JAKMIP2: variants seen among roughly 807,000 people sequenced by gnomAD.
JAKMIP2 encodes janus kinase and microtubule-interacting protein 2.
A neutral mutation model predicts 115.0 loss-of-function variants in JAKMIP2; 25 were observed. The ratio of observed to expected loss-of-function variants is 0.22; its 90% CI spans 0.16 to 0.30. The LOEUF is 0.30. Among genes scored for constraint, JAKMIP2 ranks in the 10% least tolerant of loss-of-function variants. The probability of loss-of-function intolerance (pLI) is 1.00; values close to 1 mark genes in which losing one functional copy is unlikely to be tolerated. For synonymous variants in JAKMIP2, 334 were observed against 343.6 expected (o/e 0.97, Z 0.31); for missense variants, 642 against 957.6 (o/e 0.67, Z 4.35).
intron 16 of JAKMIP2, among the ~76,000 whole-genome samples, chr5:147,624,146 C>CAT (rs1451491083): frequency 5.9e-5 from 9 of 152,098 alleles, no homozygotes; most frequent in African/African-American, 2.2e-4. Flanking sequence ...ATTTTTATCT[C>CAT]ATAGTTCAGA....
chr5:147,698,698 T>A (rs1752204564), intron 1 of JAKMIP2, among the ~76,000 whole-genome samples: 1 of 152,186 alleles, frequency 6.6e-6, no homozygotes, highest in Non-Finnish European at 1.5e-5. Flanking sequence ...GAAGGACGTG[T>A]TTGCTTCCCC....
chr5:147,754,754 T>G (rs1336294792), intron 1 of JAKMIP2, among the ~76,000 whole-genome samples: 2 of 152,178 alleles, frequency 1.3e-5, no homozygotes, highest in African/African-American at 2.4e-5. Flanking sequence ...GGTGAAGTAA[T>G]TTATCCAGGG....
At chr5:147,648,044 C>T (rs1758210756) in intron 5 of JAKMIP2, among the ~76,000 whole-genome samples, 1 of 151,802 alleles carries the variant, frequency 6.6e-6, no homozygotes, top group South Asian at 2.1e-4. Context: ...AGAAGTCAGA[C>T]AAAAAAGAGA....
At chr5:147,772,587 G>A (rs1755401932) in intron 1 of JAKMIP2, among the ~76,000 whole-genome samples, 2 of 150,646 alleles carry the variant, frequency 1.3e-5, no homozygotes, top group African/African-American at 2.4e-5. Context: ...AATATCTCCT[G>A]AAATGTCAAA....
intron 1 of JAKMIP2, among the ~76,000 whole-genome samples, chr5:147,693,784 G>A (rs772478911): frequency 4.6e-5 from 7 of 151,982 alleles, no homozygotes; most frequent in Non-Finnish European, 8.8e-5. Flanking sequence ...AATTTCAAAC[G>A]ACTGTTAAAA....
intron 16 of JAKMIP2, among the ~76,000 whole-genome samples, chr5:147,626,661 C>CA (rs2126671359): frequency 6.6e-6 from 1 of 152,330 alleles, no homozygotes; most frequent in South Asian, 2.1e-4. Flanking sequence ...TTCTGATAAG[C>CA]ACAGTTGTTG....
chr5:147,709,199 T>C (rs1752687048), intron 1 of JAKMIP2, among the ~76,000 whole-genome samples: 4 of 152,214 alleles, frequency 2.6e-5, no homozygotes, highest in Admixed American at 2.6e-4. Flanking sequence ...TATAACTGTA[T>C]TATGAAAAAT....
chr5:147,635,334 GT>G (rs1757561896), intron 12 of JAKMIP2, among the ~76,000 whole-genome samples: 1 of 151,500 alleles, frequency 6.6e-6, no homozygotes, highest in Non-Finnish European at 1.5e-5. Context: ...CCATGTTTTT[GT>G]TTCTTAATTT....
chr5:147,606,900 G>A (rs1170877193), intron 20 of JAKMIP2, among the ~76,000 whole-genome samples: 1 of 151,642 alleles, frequency 6.6e-6, no homozygotes, highest in Non-Finnish European at 1.5e-5. Flanking sequence ...TCCTTCCCAC[G>A]TAAGTTGTAT....
intron 21 of JAKMIP2, among the ~76,000 whole-genome samples, chr5:147,598,425 C>CATCTATCTATCTATCTATCTATCTATCT (rs71001444): frequency 2.0e-5 from 3 of 148,340 alleles, no homozygotes; most frequent in African/African-American, 7.5e-5. Context: ...CTCTCATTTT[C>CATCTATCTATCTATCTATCTATCTATCT]ATCTATCTAT....
chr5:147,595,015 G>A (rs1402910901), intron 21 of JAKMIP2, among the ~76,000 whole-genome samples: 2 of 152,208 alleles, frequency 1.3e-5, no homozygotes, highest in Admixed American at 1.3e-4. Context: ...TGTGGGAAAT[G>A]TGGTCCCAGA....
intron 12 of JAKMIP2, among the ~76,000 whole-genome samples, chr5:147,635,292 A>G (rs1757560125): frequency 6.6e-6 from 1 of 152,238 alleles, no homozygotes; most frequent in Non-Finnish European, 1.5e-5. Flanking sequence ...TGTTCAGATA[A>G]CCAAAATTAA....
At chr5:147,632,192 CT>C in intron 13 of JAKMIP2, among the ~76,000 whole-genome samples, 2 of 151,904 alleles carry the variant, frequency 1.3e-5, no homozygotes, top group East Asian at 1.9e-4. Flanking sequence ...GCTTCTTAGT[CT>C]TTTTTTTCAT....
intron 10 of JAKMIP2, among the ~76,000 whole-genome samples, chr5:147,639,142 C>T (rs1270172472): frequency 6.6e-6 from 1 of 152,080 alleles, no homozygotes; most frequent in African/African-American, 2.4e-5. Flanking sequence ...ATTCAATTAA[C>T]CTCTCTGAGT....
intron 21 of JAKMIP2, among the ~76,000 whole-genome samples, chr5:147,592,321 T>C (rs1755138697): frequency 2.0e-5 from 3 of 152,264 alleles, no homozygotes; most frequent in African/African-American, 7.2e-5. Flanking sequence ...CCCAACAAAA[T>C]TGTAACCATT....
chr5:147,632,680 T>C lies in JAKMIP2; in HGVS notation c.1776A>G (p.Glu592=), dbSNP rs754058985. ...ELLEFRNLEL[E]ERERRSPPFN... ...ATTATTATCATCATCATTTCCTTACTTCTAGCTCTAGGTTTCGAAACTCCA... is the reference window on the plus strand; with the variant it reads ...ATTATTATCATCATCATTTCCTTACCTCTAGCTCTAGGTTTCGAAACTCCA... Residue 592 remains glutamate (E), a splice_region_variant and synonymous_variant, in exon 13 of 22, where the codon GAA becomes GAG. Transcript: ENST00000616793. The C allele has an allele frequency of 1.9e-6, 3 of 1,569,350 alleles. No individual in the cohort carries two copies. The highest frequency in any genetic ancestry group is 2.6e-6 in the Non-Finnish European group (3 of 1,140,780).
intron 1 of JAKMIP2, among the ~76,000 whole-genome samples, chr5:147,759,265 G>A (rs1225812652): frequency 1.3e-5 from 2 of 151,796 alleles, no homozygotes; most frequent in African/African-American, 4.8e-5. Context: ...GAAAGGAGAA[G>A]GGGAGCAGAG....
intron 1 of JAKMIP2, among the ~76,000 whole-genome samples, chr5:147,695,690 CAG>C (rs1752078511): frequency 9.1e-6 from 1 of 109,864 alleles, no homozygotes; most frequent in South Asian, 4.2e-4. Flanking sequence ...GAGAGAGAGA[CAG>C]AGACAGAGAC....
chr5:147,668,061 C>G (rs187180611), intron 2 of JAKMIP2, among the ~76,000 whole-genome samples: 1 of 152,300 alleles, frequency 6.6e-6, no homozygotes, highest in Non-Finnish European at 1.5e-5. Flanking sequence ...TGCACCCTGT[C>G]TTTGTCACGG....
Sources: allele counts gnomAD v4.1 joint callset (sites outside exome capture counted in the v4.1 genomes callset), GRCh38; gene constraint gnomAD v4.1.1; transcripts MANE v1.5; gene names NCBI Gene and HGNC (gene_info 2026-07-23, HGNC 2026-07-21).